The following PTK2B variants were observed in gnomAD, a reference collection of about 807,000 sequenced individuals.
The protein encoded by PTK2B is protein tyrosine kinase 2 beta.
Under a neutral mutation model 142.9 loss-of-function variants are expected in PTK2B, and 71 were observed. The ratio of observed to expected loss-of-function variants is 0.50; its 90% CI spans 0.41 to 0.61. PTK2B has a LOEUF of 0.61. PTK2B is among the 20% of genes least tolerant of loss of function. The pLI is 0.00. For missense variants in PTK2B, 1,105 were observed against 1,320.4 expected (o/e 0.84, Z 2.53); for synonymous variants, 519 against 503.4 (o/e 1.03, Z -0.42).
upstream of PTK2B, among the ~76,000 whole-genome samples, chr8:27,321,739 G>A (rs1236787250): frequency 6.6e-6 from 1 of 152,212 alleles, no homozygotes; most frequent in African/African-American, 2.4e-5. Context: ...AAGGGAGACT[G>A]GGAAATGTAG....
intron 1 of PTK2B, among the ~76,000 whole-genome samples, chr8:27,342,104 A>G (rs1178841471): frequency 6.6e-6 from 1 of 152,124 alleles, no homozygotes; most frequent in Admixed American, 6.5e-5. Flanking sequence ...CCCCACTTTG[A>G]GAACCACTGC....
Position 27,458,341 on chromosome 8 carries a change from C to G in PTK2B, c.2862C>G (p.Ile954Met), listed in dbSNP as rs150697356. The G allele has an allele frequency of 5.0e-5, 81 of 1,614,020 alleles. No homozygotes were observed. Among genetic ancestry groups the G allele is most frequent in the Non-Finnish European group, 6.5e-5 (77 of 1,180,020 alleles). ...TCAACAAAGACCTGGCAGAGCTCATCAACAAGATGCGGCTGGCACAGCAGA... is the reference window on the plus strand; with the variant it reads ...TCAACAAAGACCTGGCAGAGCTCATGAACAAGATGCGGCTGGCACAGCAGA... ...KLLNKDLAELINKMRLAQQNA... is the reference protein window; with the variant it reads ...KLLNKDLAELMNKMRLAQQNA... The change falls in exon 31 of 31, where the codon ATC becomes ATG. Residue 954 changes from isoleucine (I) to methionine (M), a missense_variant. Physicochemically the swap from Ile to Met is conservative, Grantham distance 10. Transcript: ENST00000346049.
intron 1 of PTK2B, among the ~76,000 whole-genome samples, chr8:27,351,850 G>C (rs184280562): frequency 9.8e-5 from 15 of 152,318 alleles, no homozygotes; most frequent in Middle Eastern, 3.4e-3. Flanking sequence ...TGGAACCTCT[G>C]TTTGACTTTC....
At chr8:27,456,571 A>T (rs1169142939) in intron 30 of PTK2B, among the ~76,000 whole-genome samples, 1 of 152,218 alleles carries the variant, frequency 6.6e-6, no homozygotes, top group Non-Finnish European at 1.5e-5. Flanking sequence ...AATTAGGCCA[A>T]TTAAGAACCC....
intron 18 of PTK2B, 100 bp from the exon 19 acceptor site, chr8:27,438,931 A>G: frequency 8.9e-7 from 1 of 1,125,504 alleles, no homozygotes; most frequent in Non-Finnish European, 1.3e-6. Context: ...TCCCTGGCTT[A>G]GATTCTTGGT....
At chr8:27,397,887 C>A in intron 2 of PTK2B, 99 bp downstream of exon 2, 2 of 1,376,060 alleles carry the variant, frequency 1.5e-6, no homozygotes, top group South Asian at 2.5e-5. Context: ...CTCCCATATC[C>A]ACCCCTGGGT....
At chr8:27,339,802 G>A (rs1804287125) in intron 1 of PTK2B, among the ~76,000 whole-genome samples, 1 of 152,190 alleles carries the variant, frequency 6.6e-6, no homozygotes, top group Admixed American at 6.5e-5. Context: ...GATGGTGGTT[G>A]GCAGGTTCAG....
chr8:27,369,575 C>T (rs1806219570), intron 1 of PTK2B, among the ~76,000 whole-genome samples: 1 of 152,006 alleles, frequency 6.6e-6, no homozygotes, highest in Admixed American at 6.6e-5. Context: ...GAGGCTGAGG[C>T]AGGAGAACTG....
chr8:27,436,743 G>A (rs1182622689), intron 15 of PTK2B, among the ~76,000 whole-genome samples: 2 of 152,002 alleles, frequency 1.3e-5, no homozygotes, highest in Admixed American at 6.5e-5. Flanking sequence ...GCAGGCCCAG[G>A]GGAAGAAAGA....
chr8:27,344,640 C>T (rs745832350), intron 1 of PTK2B, among the ~76,000 whole-genome samples: 4 of 152,068 alleles, frequency 2.6e-5, no homozygotes, highest in African/African-American at 7.2e-5. Flanking sequence ...ACCCCTCGTC[C>T]GCTTGATGGC....
chr8:27,333,685 T>C (rs1474591607), intron 1 of PTK2B, among the ~76,000 whole-genome samples: 1 of 152,134 alleles, frequency 6.6e-6, no homozygotes, highest in Admixed American at 6.5e-5. Context: ...GCCTGGCCGC[T>C]TCCCCCTGGG....
At chr8:27,408,632 G>C (rs1478566630) in intron 2 of PTK2B, among the ~76,000 whole-genome samples, 2 of 152,148 alleles carry the variant, frequency 1.3e-5, no homozygotes, top group Non-Finnish European at 1.5e-5. Flanking sequence ...CCTTTAGGAA[G>C]CCAAAAGCCT....
At chr8:27,316,834 C>T (rs1322463157) in intron 3 of PTK2B, among the ~76,000 whole-genome samples, 1 of 152,206 alleles carries the variant, frequency 6.6e-6, no homozygotes, top group East Asian at 1.9e-4. Flanking sequence ...GCCTCTGGGT[C>T]ATATTTGACT....
In PTK2B at chr8:27,422,387, T is replaced by C. The variant is rs1044255628; in HGVS notation, c.551+4T>C. 1.2e-6 allele frequency: 2 copies of C among 1,609,952 alleles called. No individual in the cohort carries two copies. Among genetic ancestry groups the C allele is most frequent in the Non-Finnish European group, 1.7e-6 (2 of 1,177,808 alleles). ...AGCTGGGCTGCCTGGAGCTCAGGTATGTGGCCCTGAGGCCTCTGCTGGGAG... is the reference window on the plus strand; with the variant it reads ...AGCTGGGCTGCCTGGAGCTCAGGTACGTGGCCCTGAGGCCTCTGCTGGGAG... On this transcript the variant is annotated splice_donor_region_variant and intron_variant, in intron 5 of 30. Transcript: ENST00000346049.
chr8:27,431,403 A>C lies in PTK2B; in HGVS notation c.816A>C (p.Gly272=), dbSNP rs1470768165. Residue 272 remains glycine, a synonymous_variant, in exon 9 of 31, where the codon GGA becomes GGC. Coordinates refer to ENST00000346049, the MANE Select transcript of PTK2B (RefSeq NM_173176.3). ...QETYRCELIQ[G]WNITVDLVIG... Reference sequence around the variant, plus strand: ...CCACTCTCCTTTTATTCCAGCAAGGATGGAACATTACTGTGGACCTGGTCA... The same window carrying C: ...CCACTCTCCTTTTATTCCAGCAAGGCTGGAACATTACTGTGGACCTGGTCA... 1 of 1,614,164 alleles carries C rather than the reference A, an allele frequency of 6.2e-7. No individual in the cohort carries two copies. Among genetic ancestry groups the C allele is most frequent in the Non-Finnish European group, 8.5e-7 (1 of 1,180,014 alleles).
At chr8:27,403,017 C>G (rs1484051080) in intron 2 of PTK2B, among the ~76,000 whole-genome samples, 2 of 152,186 alleles carry the variant, frequency 1.3e-5, no homozygotes, top group Non-Finnish European at 2.9e-5. Flanking sequence ...ATGCAGTGTC[C>G]AGTTGGGAGT....
chr8:27,351,006 T>A (rs371532692), intron 1 of PTK2B, among the ~76,000 whole-genome samples: 1,501 of 6,276 alleles, frequency 0.24, 424 homozygotes, highest in Non-Finnish European at 0.32. Context: ...TATATATATA[T>A]ATATATATAT....
intron 5 of PTK2B, among the ~76,000 whole-genome samples, chr8:27,422,998 A>G (rs1322911375): frequency 6.6e-6 from 1 of 152,200 alleles, no homozygotes; most frequent in African/African-American, 2.4e-5. Context: ...GATTTCAATC[A>G]GCAGAGAACA....
At chr8:27,456,699 A>G (rs1403181623) in intron 30 of PTK2B, among the ~76,000 whole-genome samples, 1 of 152,262 alleles carries the variant, frequency 6.6e-6, no homozygotes, top group Non-Finnish European at 1.5e-5. Context: ...AGACAGGCCA[A>G]AAGATAGGCC....
Sources: allele counts gnomAD v4.1 joint callset (sites outside exome capture counted in the v4.1 genomes callset), GRCh38; gene constraint gnomAD v4.1.1; transcripts MANE v1.5; gene names NCBI Gene and HGNC (gene_info 2026-07-23, HGNC 2026-07-21).